BRWD1: variants seen among roughly 807,000 people sequenced by gnomAD.
The protein encoded by BRWD1 is bromodomain and WD repeat domain containing 1.
BRWD1 carries 82 observed loss-of-function variants against 251.2 expected under a neutral mutation model. The ratio of observed to expected loss-of-function variants is 0.33; its 90% CI spans 0.27 to 0.39. BRWD1 has a LOEUF of 0.39. BRWD1 is among the 10% of genes least tolerant of loss of function. The probability of loss-of-function intolerance (pLI) is 1.00; values close to 1 mark genes in which losing one functional copy is unlikely to be tolerated. For missense variants in BRWD1, 2,233 were observed against 2,711.6 expected (o/e 0.82, Z 3.92); for synonymous variants, 918 against 902.8 (o/e 1.02, Z -0.30).
At position 39,190,393 on chromosome 21, in the gene BRWD1, G is replaced by GA; in HGVS notation, c.*5865dup. On this transcript the variant is annotated 3_prime_UTR_variant, in exon 41 of 41. Coordinates refer to ENST00000342449, the MANE Select transcript of BRWD1 (RefSeq NM_033656.4). ...ATTGGAGCATTTAAAACAGATTTGA[G>GA]AATGAGAAAAGAATGTCTGACTCAA... is the stretch of plus-strand genomic sequence containing the variant. 1 of 985,294 alleles carries GA rather than the reference G, an allele frequency of 1.0e-6. No homozygotes were observed. The allele number at this position is 985,294 out of a possible 1,614,324, so 61.0% of individuals were successfully genotyped here. A position where few individuals can be genotyped will look rare whatever the true frequency, so the allele number is the denominator to read the frequency against.
chr21:39,292,817 T>C (rs1469740407), intron 8 of BRWD1, among the ~76,000 whole-genome samples: 4 of 152,208 alleles, frequency 2.6e-5, no homozygotes, highest in Non-Finnish European at 5.9e-5. Context: ...CAGCAACCAA[T>C]TGTAACATGC....
intron 4 of BRWD1, chr21:39,312,452 G>T: frequency 5.7e-6 from 1 of 175,564 alleles, no homozygotes; most frequent in Non-Finnish European, 1.2e-5. Flanking sequence ...ACCCGGGCGG[G>T]GCAAGAGCAG....
chr21:39,218,106 G>A, intron 31 of BRWD1, 46 bp downstream of exon 31: 1 of 1,546,808 alleles, frequency 6.5e-7, no homozygotes, highest in Non-Finnish European at 8.7e-7. Context: ...AGTCAATATT[G>A]CCAAATATAG....
chr21:39,196,329 A>T lies in BRWD1; in HGVS notation c.6740T>A (p.Val2247Glu). 1.3e-6 allele frequency: 2 copies of T among 1,595,100 alleles called. No individual in the cohort carries two copies. Among genetic ancestry groups the T allele is most frequent in the Non-Finnish European group, 1.7e-6 (2 of 1,163,218 alleles). ...GTCATCATCCCCATCATGGTATCTC[A>T]CAGTCCTTCTACCCTGATTTCTCGT... ...IKTRNQGRRT[V>E]RYHDGDDDRS... is the part of the protein sequence containing the mutation. Residue 2247 changes from valine (V) to glutamate (E), a missense_variant, in exon 41 of 41, where the codon GTG becomes GAG. Physicochemically the swap from Val to Glu is moderately radical, Grantham distance 121 (BLOSUM62 -2). Around this residue, in one of 12 missense-constraint regions of BRWD1, gnomAD observed 928 missense variants for 970.0 expected, o/e 0.96. Coordinates refer to ENST00000342449, the MANE Select transcript of BRWD1 (RefSeq NM_033656.4).
At chr21:39,202,180 T>G in intron 38 of BRWD1, 145 bp downstream of exon 38, 1 of 559,522 alleles carries the variant, frequency 1.8e-6, no homozygotes, top group African/African-American at 1.9e-5. Flanking sequence ...TGTTCCATGT[T>G]TATTATGTTT....
Position 39,258,683 on chromosome 21 carries a change from A to G in BRWD1, c.1886-11T>C. ...TCACCTCTCCATCACCTACAAATTCAATTATTTAATATATAATCATATAAA... is the reference window on the plus strand; with the variant it reads ...TCACCTCTCCATCACCTACAAATTCGATTATTTAATATATAATCATATAAA... On this transcript the variant is annotated splice_polypyrimidine_tract_variant and intron_variant, in intron 17 of 40. Coordinates refer to ENST00000342449, the MANE Select transcript of BRWD1 (RefSeq NM_033656.4). The G allele has an allele frequency of 6.5e-7, 1 of 1,545,950 alleles. No homozygotes were observed. The highest frequency in any genetic ancestry group is 8.7e-7 in the Non-Finnish European group (1 of 1,147,010).
intron 21 of BRWD1, among the ~76,000 whole-genome samples, chr21:39,242,427 A>G (rs1263269186): frequency 1.3e-5 from 2 of 152,220 alleles, no homozygotes; most frequent in Non-Finnish European, 2.9e-5. Flanking sequence ...AAACTTGCAG[A>G]GGTTGGTTCA....
At chr21:39,230,924 G>C (rs1375336778) in intron 25 of BRWD1, among the ~76,000 whole-genome samples, 2 of 152,026 alleles carry the variant, frequency 1.3e-5, no homozygotes, top group African/African-American at 4.8e-5. Context: ...AAGGCTCTGA[G>C]AGTACTGTTT....
intron 5 of BRWD1, chr21:39,296,970 C>T (rs945944581): frequency 2.0e-6 from 2 of 985,040 alleles, no homozygotes; most frequent in African/African-American, 3.5e-5. Flanking sequence ...ACTTTAGTCT[C>T]TATCTTTAGG....
At chr21:39,249,392 T>C (rs899279376) in intron 20 of BRWD1, among the ~76,000 whole-genome samples, 3 of 152,220 alleles carry the variant, frequency 2.0e-5, no homozygotes, top group African/African-American at 7.2e-5. Flanking sequence ...TGTAAGTATG[T>C]GTATTTTCAG....
At chr21:39,232,320 C>G in intron 24 of BRWD1, 36 bp from the exon 25 acceptor site, 1 of 1,605,106 alleles carries the variant, frequency 6.2e-7, no homozygotes, top group Non-Finnish European at 8.5e-7. Context: ...AAATTAAGAG[C>G]AATATAAACT....
rs750630898 is a variant in BRWD1, at chr21:39,228,493, G to A, written c.3208+7C>T. 33 of 1,600,818 alleles carry A rather than the reference G, an allele frequency of 2.1e-5. No individual in the cohort carries two copies. The highest frequency in any genetic ancestry group is 2.6e-5 in the Non-Finnish European group (30 of 1,168,482). On this transcript the variant is annotated splice_region_variant and intron_variant, in intron 27 of 40. Coordinates refer to ENST00000342449, the MANE Select transcript of BRWD1 (RefSeq NM_033656.4). Reference sequence around the variant, plus strand: ...GGGTATATAAAACTTAGTAAGGATAGACTTACAAGACTGCCAATTCCTCTG... The same window carrying A: ...GGGTATATAAAACTTAGTAAGGATAAACTTACAAGACTGCCAATTCCTCTG...
Position 39,189,710 on chromosome 21 carries a change from A to T in BRWD1, c.*6549T>A, listed in dbSNP as rs1406845580. 2.0e-6 allele frequency: 2 copies of T among 981,354 alleles called. No individual in the cohort carries two copies. The highest frequency in any genetic ancestry group is 3.5e-5 in the African/African-American group (2 of 57,262). The allele number at this position is 981,354 out of a possible 1,614,324, so 60.8% of individuals were successfully genotyped here. A position where few individuals can be genotyped will look rare whatever the true frequency, so the allele number is the denominator to read the frequency against. ...TTTTAAATACATTCAAGTCAGTGTTAATTTTATTACTGAAAACTGAGTAAA... is the reference window on the plus strand; with the variant it reads ...TTTTAAATACATTCAAGTCAGTGTTTATTTTATTACTGAAAACTGAGTAAA... On this transcript the variant is annotated 3_prime_UTR_variant, in exon 41 of 41. Coordinates refer to ENST00000342449, the MANE Select transcript of BRWD1 (RefSeq NM_033656.4).
intron 22 of BRWD1, among the ~76,000 whole-genome samples, chr21:39,237,287 G>C (rs1015085513): frequency 6.6e-6 from 1 of 152,156 alleles, no homozygotes; most frequent in East Asian, 1.9e-4. Flanking sequence ...TAAGTAGTCA[G>C]TTTCTTGCCA....
At chr21:39,274,185 C>G (rs1023778932) in intron 13 of BRWD1, among the ~76,000 whole-genome samples, 189 bp downstream of exon 13, 1 of 152,128 alleles carries the variant, frequency 6.6e-6, no homozygotes, top group Non-Finnish European at 1.5e-5. Flanking sequence ...GATAAATTTA[C>G]CTGGATGTCT....
intron 4 of BRWD1, among the ~76,000 whole-genome samples, chr21:39,307,424 T>C (rs1162591177): frequency 6.6e-6 from 1 of 152,206 alleles, no homozygotes; most frequent in African/African-American, 2.4e-5. Flanking sequence ...CTTGTATGAA[T>C]ATCAATGTAT....
intron 36 of BRWD1, among the ~76,000 whole-genome samples, chr21:39,206,998 A>G (rs1018652885): frequency 6.6e-6 from 1 of 152,238 alleles, no homozygotes; most frequent in Non-Finnish European, 1.5e-5. Flanking sequence ...CAATACCAGA[A>G]AACTTTTTTA....
At position 39,203,788 on chromosome 21, in the gene BRWD1, T is replaced by A. The variant is rs185907051; in HGVS notation, c.4365-1243A>T. Among the ~76,000 whole-genome samples, 686 of 150,682 alleles carry A rather than the reference T, an allele frequency of 4.6e-3. 3 individuals are homozygous for A. The highest frequency in any genetic ancestry group is 6.5e-3 in the Non-Finnish European group (439 of 67,808). On this transcript the variant is annotated intron_variant, in intron 37 of 40. Transcript: ENST00000342449. ...AAGCTTAAAGTTAATCACAATTCTT[T>A]AAAGCAATAATTGTCAAGGCTGTAA... is the stretch of plus-strand genomic sequence containing the variant.
intron 8 of BRWD1, among the ~76,000 whole-genome samples, chr21:39,282,621 A>G (rs1258616939): frequency 6.6e-6 from 1 of 152,152 alleles, no homozygotes; most frequent in East Asian, 1.9e-4. Flanking sequence ...TTTTTTTTTA[A>G]TTAAAACATC....
Sources: gnomAD v4.1 joint callset for allele counts (sites outside exome capture counted in the v4.1 genomes callset) on GRCh38, gnomAD v4.1.1 for gene constraint, gnomAD v4.1.1 regional missense constraint, MANE v1.5 for transcripts, NCBI Gene and HGNC (gene_info 2026-07-23, HGNC 2026-07-21) for gene names.